SGCZ: variants seen among roughly 807,000 people sequenced by gnomAD.
SGCZ encodes the protein zeta-sarcoglycan.
Under a neutral mutation model 41.3 loss-of-function variants are expected in SGCZ, and 40 were observed. The observed-to-expected ratio is 0.97, with a 90% CI of 0.75 to 1.26. The LOEUF is 1.26. SGCZ is among the 50% of genes most tolerant of loss of function. The pLI, the probability that SGCZ is intolerant of heterozygous loss-of-function variation, is 0.00. For synonymous variants in SGCZ, 206 were observed against 137.5 expected, an observed-to-expected ratio of 1.50 and a Z score of -3.49; for missense variants, 552 against 369.8, an observed-to-expected ratio of 1.49 and a Z score of -4.04.
chr8:14,560,648 T>A (rs1262342391), intron 1 of SGCZ, among the ~76,000 whole-genome samples: 2 of 152,114 alleles, frequency 1.3e-5, no homozygotes, highest in Non-Finnish European at 2.9e-5. Flanking sequence ...AAATTATATT[T>A]CAATATGAAG....
At chr8:14,476,567 G>C (rs1801367595) in intron 2 of SGCZ, among the ~76,000 whole-genome samples, 1 of 152,062 alleles carries the variant, frequency 6.6e-6, no homozygotes, top group African/African-American at 2.4e-5. Flanking sequence ...TCTAACTCTT[G>C]AGAGGACATC....
chr8:14,780,614 T>C (rs1800560284), intron 1 of SGCZ, among the ~76,000 whole-genome samples: 1 of 152,062 alleles, frequency 6.6e-6, no homozygotes, highest in East Asian at 1.9e-4. Flanking sequence ...ATAAAGTGTA[T>C]GGGATTCCCA....
chr8:14,873,437 T>C (rs1343744194), intron 1 of SGCZ, among the ~76,000 whole-genome samples: 1 of 152,134 alleles, frequency 6.6e-6, no homozygotes, highest in Admixed American at 6.6e-5. Flanking sequence ...ATAGTACTAG[T>C]CATCAGTTAC....
chr8:14,311,651 G>A (rs1801548114), intron 3 of SGCZ, among the ~76,000 whole-genome samples: 1 of 152,128 alleles, frequency 6.6e-6, no homozygotes, highest in Non-Finnish European at 1.5e-5. Context: ...AAAACATCAG[G>A]AATAATGAGG....
intron 1 of SGCZ, among the ~76,000 whole-genome samples, chr8:15,147,387 T>A (rs1799063224): frequency 6.6e-6 from 1 of 152,136 alleles, no homozygotes; most frequent in South Asian, 2.1e-4. Flanking sequence ...CAAACAATTC[T>A]CCTGCCTCAG....
intron 3 of SGCZ, among the ~76,000 whole-genome samples, chr8:14,322,286 A>C (rs1359056894): frequency 1.3e-5 from 2 of 152,112 alleles, no homozygotes; most frequent in Non-Finnish European, 2.9e-5. Context: ...AGGAAGACAC[A>C]GGAAGGACCA....
rs1160436765 is a variant in SGCZ at position 15,143,879 on chromosome 8, C to T, written c.39+93706G>A. ...CTGCAAGCTCCGCCTCCCGGGTTCA[C>T]GCCATTCTCCTGCCTCAGCCTCCCA... On this transcript the variant is annotated intron_variant, in intron 1 of 7. Coordinates refer to ENST00000382080, the MANE Select transcript of SGCZ (RefSeq NM_139167.4). Among the ~76,000 whole-genome samples, 4 of 7,204 alleles carry T rather than the reference C, an allele frequency of 5.6e-4. 2 individuals carry two copies. The highest frequency in any genetic ancestry group is 5.9e-4 in the African/African-American group (4 of 6,796). 4.7% of individuals were successfully genotyped at this position (7,204 alleles called of 152,430 possible).
chr8:14,782,740 C>G (rs141796007), intron 1 of SGCZ, among the ~76,000 whole-genome samples: 3 of 152,222 alleles, frequency 2.0e-5, no homozygotes, highest in African/African-American at 4.8e-5. Context: ...ACCTTATACT[C>G]CAAGGATACT....
intron 2 of SGCZ, among the ~76,000 whole-genome samples, chr8:14,521,565 T>C (rs1802789642): frequency 6.6e-6 from 1 of 152,278 alleles, no homozygotes; most frequent in East Asian, 1.9e-4. Flanking sequence ...TGATAAACAT[T>C]TGAGCTGTTT....
chr8:14,969,174 G>A (rs1801215131), intron 1 of SGCZ, among the ~76,000 whole-genome samples: 1 of 151,798 alleles, frequency 6.6e-6, no homozygotes, highest in Non-Finnish European at 1.5e-5. Flanking sequence ...TTAAATTTTG[G>A]GCTTAAAATC....
intron 1 of SGCZ, among the ~76,000 whole-genome samples, chr8:15,005,331 T>TC (rs1183933341): frequency 7.4e-5 from 2 of 26,996 alleles, no homozygotes; most frequent in South Asian, 1.7e-3. Flanking sequence ...TCTTTTTCTT[T>TC]TTTTTTTTTT....
At chr8:14,419,212 G>C (rs779449870) in intron 2 of SGCZ, among the ~76,000 whole-genome samples, 18 of 151,828 alleles carry the variant, frequency 1.2e-4, no homozygotes, top group Non-Finnish European at 1.6e-4. Flanking sequence ...AAAGAAAACT[G>C]AAAGTTAGGC....
At chr8:15,005,820 G>A (rs574047338) in intron 1 of SGCZ, among the ~76,000 whole-genome samples, 16 of 152,102 alleles carry the variant, frequency 1.1e-4, no homozygotes, top group Non-Finnish European at 2.1e-4. Flanking sequence ...AAATAAAATA[G>A]TTCTGACCTT....
intron 1 of SGCZ, among the ~76,000 whole-genome samples, chr8:14,715,170 G>C (rs924657413): frequency 6.6e-6 from 1 of 152,248 alleles, no homozygotes; most frequent in East Asian, 1.9e-4. Flanking sequence ...GGTCTCAAAA[G>C]GTTAGTTTGA....
intron 2 of SGCZ, among the ~76,000 whole-genome samples, chr8:14,449,027 A>G (rs540443566): frequency 6.6e-6 from 1 of 152,202 alleles, no homozygotes; most frequent in African/African-American, 2.4e-5. Context: ...ACAAACAGAT[A>G]GAAGTGAAAG....
At chr8:14,914,540 T>C (rs1351529963) in intron 1 of SGCZ, among the ~76,000 whole-genome samples, 2 of 149,558 alleles carry the variant, frequency 1.3e-5, no homozygotes, top group African/African-American at 5.0e-5. Flanking sequence ...GAAAAAAAAA[T>C]GCATTTAAAA....
At chr8:15,205,978 T>C (rs769304297) in intron 1 of SGCZ, among the ~76,000 whole-genome samples, 7 of 152,152 alleles carry the variant, frequency 4.6e-5, no homozygotes, top group Admixed American at 6.5e-5. Flanking sequence ...AGCAAACTAA[T>C]ACATGAATGG....
intron 2 of SGCZ, among the ~76,000 whole-genome samples, chr8:14,338,290 C>T (rs761893001): frequency 6.6e-6 from 1 of 152,088 alleles, no homozygotes; most frequent in Non-Finnish European, 1.5e-5. Context: ...AAGGATTTGC[C>T]CCAACTATTA....
chr8:14,393,875 A>G (rs1585445949), intron 2 of SGCZ, among the ~76,000 whole-genome samples: 1 of 152,314 alleles, frequency 6.6e-6, no homozygotes, highest in East Asian at 1.9e-4. Flanking sequence ...AAAGCGCAGC[A>G]TCTTGGGAGA....
Sources: gnomAD v4.1 joint callset for allele counts (sites outside exome capture counted in the v4.1 genomes callset) on GRCh38, gnomAD v4.1.1 for gene constraint, MANE v1.5 for transcripts, NCBI Gene and HGNC (gene_info 2026-07-23, HGNC 2026-07-21) for gene names.